The following NFIC variants were observed in gnomAD, a reference collection of about 807,000 sequenced individuals.
NFIC encodes the protein nuclear factor I C.
Under a neutral mutation model 54.4 loss-of-function variants are expected in NFIC, and 12 were observed. The observed-to-expected ratio is 0.22, with a 90% CI of 0.14 to 0.36. The LOEUF (loss-of-function observed/expected upper bound fraction) is 0.36. Among genes scored for constraint, NFIC ranks in the 10% least tolerant of loss-of-function variants. The pLI is 1.00. For missense variants in NFIC, 575 were observed against 718.2 expected (o/e 0.80, Z 2.28); for synonymous variants, 322 against 319.2 (o/e 1.01, Z -0.09).
chr19:3,404,054 A>C, intron 2 of NFIC, among the ~76,000 whole-genome samples: 1 of 130,924 alleles, frequency 7.6e-6, no homozygotes, highest in Non-Finnish European at 1.6e-5. Flanking sequence ...TCCCTTCCCG[A>C]ACCTCTCCAT....
chr19:3,371,864 TTCTTTTTTCTTTC>T (rs1047269512), intron 1 of NFIC, among the ~76,000 whole-genome samples: 2 of 151,444 alleles, frequency 1.3e-5, no homozygotes, highest in African/African-American at 4.9e-5. Context: ...TTTCTTTTCT[TTCTTTTTTCTTTC>T]TCTCTCCTTC....
chr19:3,454,532 G>C (rs535785898), intron 9 of NFIC, among the ~76,000 whole-genome samples: 7 of 152,062 alleles, frequency 4.6e-5, no homozygotes, highest in African/African-American at 1.7e-4. Context: ...ATGTGGTTCT[G>C]GGTGGCTGCT....
chr19:3,397,797 C>T (rs776302705), intron 2 of NFIC, among the ~76,000 whole-genome samples: 3 of 152,156 alleles, frequency 2.0e-5, no homozygotes, highest in African/African-American at 4.8e-5. Flanking sequence ...AGAATGTGAG[C>T]GGGGGAGGCT....
intron 6 of NFIC, among the ~76,000 whole-genome samples, 166 bp downstream of exon 6, chr19:3,435,373 T>A (rs192672581): frequency 1.3e-5 from 2 of 152,342 alleles, no homozygotes; most frequent in East Asian, 3.9e-4. Context: ...TGGCTGGAAG[T>A]ACGGTCCGGG....
At chr19:3,416,777 C>A (rs2081862222) in intron 2 of NFIC, among the ~76,000 whole-genome samples, 1 of 151,848 alleles carries the variant, frequency 6.6e-6, no homozygotes, top group Non-Finnish European at 1.5e-5. Flanking sequence ...ACCGCCTCGG[C>A]CTCCCAAAGC....
At chr19:3,413,787 C>T (rs1262172422) in intron 2 of NFIC, among the ~76,000 whole-genome samples, 1 of 152,092 alleles carries the variant, frequency 6.6e-6, no homozygotes, top group Non-Finnish European at 1.5e-5. Flanking sequence ...CAGGCACGCA[C>T]CACCACGCCA....
At chr19:3,367,386 C>T (rs1250029602) in intron 1 of NFIC, among the ~76,000 whole-genome samples, 3 of 152,092 alleles carry the variant, frequency 2.0e-5, no homozygotes, top group Non-Finnish European at 4.4e-5. Context: ...GAGCCGCCGC[C>T]GGGAGGAGCG....
At chr19:3,404,208 C>T (rs2081605230) in intron 2 of NFIC, among the ~76,000 whole-genome samples, 1 of 78,700 alleles carries the variant, frequency 1.3e-5, no homozygotes, top group African/African-American at 5.2e-5. Flanking sequence ...GGGGAGGCCT[C>T]AGCTTGGCTG....
upstream of NFIC, among the ~76,000 whole-genome samples, chr19:3,361,563 T>C (rs1186873170): frequency 6.8e-6 from 1 of 147,070 alleles, no homozygotes; most frequent in Non-Finnish European, 1.5e-5. Flanking sequence ...CAGGCTGGTC[T>C]CTCTCGCTTT....
chr19:3,445,122 C>T (rs1279109875), intron 6 of NFIC, among the ~76,000 whole-genome samples: 5 of 152,292 alleles, frequency 3.3e-5, no homozygotes, highest in Middle Eastern at 3.4e-3. Flanking sequence ...CATGCACAGA[C>T]ATGCACACAT....
At chr19:3,444,618 C>T (rs762422239) in intron 6 of NFIC, among the ~76,000 whole-genome samples, 3 of 152,184 alleles carry the variant, frequency 2.0e-5, no homozygotes, top group Non-Finnish European at 4.4e-5. Context: ...CCCTGGCTGC[C>T]GCTGGCCCCA....
At chr19:3,438,698 A>G (rs1353555320) in intron 6 of NFIC, among the ~76,000 whole-genome samples, 2 of 151,890 alleles carry the variant, frequency 1.3e-5, no homozygotes, top group South Asian at 2.1e-4. Context: ...CGGCCTCCCA[A>G]AGTGCTGGGA....
rs1445687742 is a variant in NFIC at position 3,370,073 on chromosome 19, G to A, written c.30+3407G>A. ...TAGGTGGGGGTGGGGGAGGCAGCAG[G>A]GCCCAGGCCCAGTGTAGGTTCTTAG... On this transcript the variant is annotated intron_variant, in intron 1 of 10. Coordinates refer to ENST00000443272, the MANE Select transcript of NFIC (RefSeq NM_001245002.2). The surrounding 1 kb of genome is among the most constrained non-coding windows in gnomAD (Gnocchi z 5.2). Among the ~76,000 whole-genome samples the A allele has an allele frequency of 1.3e-5, 2 of 152,146 alleles. No homozygotes were observed. The highest frequency in any genetic ancestry group is 6.5e-5 in the Admixed American group (1 of 15,288).
At chr19:3,371,998 CCTCTCTCT>C (rs56852086) in intron 1 of NFIC, among the ~76,000 whole-genome samples, 1,566 of 35,408 alleles carry the variant, frequency 0.044, 86 homozygotes, top group African/African-American at 0.054. Flanking sequence ...CCTCTCTCTC[CCTCTCTCT>C]CTCTCTCTCT....
chr19:3,380,487 G>A (rs1043133252), intron 1 of NFIC, among the ~76,000 whole-genome samples: 6 of 151,322 alleles, frequency 4.0e-5, no homozygotes, highest in African/African-American at 1.2e-4. Context: ...CAATATGCCT[G>A]GCTACATTTT....
At chr19:3,366,726 A>G in intron 1 of NFIC, 60 bp downstream of exon 1, 1 of 1,120,720 alleles carries the variant, frequency 8.9e-7, no homozygotes, top group South Asian at 2.1e-5. Context: ...CCAGCCCCGG[A>G]GTTTTGAAGC....
intron 10 of NFIC, among the ~76,000 whole-genome samples, chr19:3,460,871 T>A (rs2082628989): frequency 6.7e-6 from 1 of 150,048 alleles, no homozygotes; most frequent in Admixed American, 6.6e-5. Context: ...ATGCCTATAA[T>A]CCCAGCACTT....
At chr19:3,434,620 C>T (rs781430131) in intron 5 of NFIC, among the ~76,000 whole-genome samples, 3 of 152,166 alleles carry the variant, frequency 2.0e-5, no homozygotes, top group Non-Finnish European at 4.4e-5. Context: ...AGCCTCAAGT[C>T]CTGCCGGCTC....
At chr19:3,361,092 C>T (rs1032125627) in intron 1 of NFIC, among the ~76,000 whole-genome samples, 2 of 152,236 alleles carry the variant, frequency 1.3e-5, no homozygotes, top group African/African-American at 4.8e-5. Context: ...GTCCCCTCCA[C>T]TTCCCCCAGC....
Sources: gnomAD v4.1 joint callset for allele counts (sites outside exome capture counted in the v4.1 genomes callset) on GRCh38, gnomAD v4.1.1 for gene constraint, Gnocchi (gnomAD v3.1) non-coding constraint, MANE v1.5 for transcripts, NCBI Gene and HGNC (gene_info 2026-07-23, HGNC 2026-07-21) for gene names.